The following PTPRE variants were observed in gnomAD, a reference collection of about 807,000 sequenced individuals.
PTPRE encodes receptor-type tyrosine-protein phosphatase epsilon.
PTPRE carries 51 observed loss-of-function variants against 102.0 expected under a neutral mutation model. The ratio of observed to expected loss-of-function variants is 0.50; its 90% CI spans 0.40 to 0.63. PTPRE has a LOEUF of 0.63. Ranked by LOEUF, PTPRE falls within the 30% of genes least tolerant of loss-of-function variation. The pLI, the probability that PTPRE is intolerant of heterozygous loss-of-function variation, is 0.00. For synonymous variants in PTPRE, 345 were observed against 348.2 expected, an observed-to-expected ratio of 0.99 and a Z score of 0.10; for missense variants, 752 against 915.1, an observed-to-expected ratio of 0.82 and a Z score of 2.30.
intron 1 of PTPRE, among the ~76,000 whole-genome samples, chr10:127,949,287 G>A (rs1424274343): frequency 1.3e-5 from 2 of 152,098 alleles, no homozygotes; most frequent in Non-Finnish European, 1.5e-5. Flanking sequence ...TGTCTATCTA[G>A]CTATGCATAT....
intron 3 of PTPRE, among the ~76,000 whole-genome samples, chr10:128,044,821 T>G (rs1445060801): frequency 2.0e-5 from 3 of 152,250 alleles, no homozygotes; most frequent in African/African-American, 7.2e-5. Flanking sequence ...GAGGACATAT[T>G]TTTGTTTTCT....
intron 12 of PTPRE, 147 bp from the exon 13 acceptor site, chr10:128,069,544 TG>T: frequency 1.9e-6 from 2 of 1,045,284 alleles, no homozygotes; most frequent in Non-Finnish European, 2.8e-6. Flanking sequence ...CAGCTCCCTC[TG>T]GTGGCTGCAC....
At chr10:128,059,411 G>T (rs1007172327) in intron 7 of PTPRE, among the ~76,000 whole-genome samples, 1 of 152,122 alleles carries the variant, frequency 6.6e-6, no homozygotes, top group Non-Finnish European at 1.5e-5. Flanking sequence ...CCACCAGCCC[G>T]TGGCCCACCT....
rs1418973902 is a variant in PTPRE at position 127,907,426 on chromosome 10, G to C, written c.-31+117G>C. On this transcript the variant is annotated intron_variant, in intron 1 of 20. Coordinates refer to ENST00000254667, the MANE Select transcript of PTPRE (RefSeq NM_006504.6). The surrounding 1 kb of genome is among the most constrained non-coding windows in gnomAD (Gnocchi z 4.8). ...TGCCGCGGGAGGGAGGGGCCGCTCC[G>C]GGGCTCAGAGTCCGGACCCCGGCCC... is the stretch of plus-strand genomic sequence containing the variant. 7.6e-6 allele frequency: 6 copies of C among 787,452 alleles called. No homozygotes were observed. The highest frequency in any genetic ancestry group is 3.8e-5 in the African/African-American group (2 of 52,936). The allele number at this position is 787,452 out of a possible 1,614,324, so 48.8% of individuals were successfully genotyped here. A position where few individuals can be genotyped will look rare whatever the true frequency, so the allele number is the denominator to read the frequency against.
chr10:128,009,558 C>A (rs762280041), intron 2 of PTPRE, among the ~76,000 whole-genome samples: 6 of 152,154 alleles, frequency 3.9e-5, no homozygotes, highest in Non-Finnish European at 5.9e-5. Context: ...CGAGGTGCAG[C>A]GAGGTCACTA....
At chr10:128,009,912 G>A (rs775594956) in intron 2 of PTPRE, among the ~76,000 whole-genome samples, 4 of 152,168 alleles carry the variant, frequency 2.6e-5, no homozygotes, top group Non-Finnish European at 5.9e-5. Context: ...ATGAGTCACC[G>A]TCCAAGCCCT....
chr10:128,029,890 C>T lies in PTPRE; in HGVS notation c.-7-10985C>T, dbSNP rs541184602. ...GCATCAATGCCTCAGCAGTCAGATC[C>T]GCCCAGGCTGCTTCTGAAAGAGTTT... On this transcript the variant is annotated intron_variant, in intron 2 of 20. Transcript: ENST00000254667. Among the ~76,000 whole-genome samples the T allele has an allele frequency of 7.2e-5, 11 of 152,336 alleles. No homozygotes were observed. The East Asian group carries it at 1.4e-3, about 19-fold the overall frequency.
intron 1 of PTPRE, among the ~76,000 whole-genome samples, chr10:127,908,809 C>T (rs1183881155): frequency 3.3e-5 from 5 of 152,158 alleles, no homozygotes; most frequent in African/African-American, 9.7e-5. Context: ...GAGTCACCAC[C>T]GCCCCCTCCC....
intron 1 of PTPRE, among the ~76,000 whole-genome samples, chr10:127,955,057 A>G (rs1849297983): frequency 6.6e-6 from 1 of 151,944 alleles, no homozygotes; most frequent in African/African-American, 2.4e-5. Flanking sequence ...TACCAATGGG[A>G]AATTGGACTA....
chr10:128,001,013 G>C (rs1030495971), intron 2 of PTPRE, among the ~76,000 whole-genome samples: 1 of 152,212 alleles, frequency 6.6e-6, no homozygotes, highest in Admixed American at 6.5e-5. Context: ...ATCATGAGTG[G>C]CTACAGTTCA....
chr10:128,070,369 G>A lies in PTPRE; in HGVS notation c.1212G>A (p.Val404=), dbSNP rs2230603. 1 of 1,614,174 alleles carries A rather than the reference G, an allele frequency of 6.2e-7. No homozygotes were observed. Among genetic ancestry groups the A allele is most frequent in the Non-Finnish European group, 8.5e-7 (1 of 1,180,030 alleles). ...TCTACGGGGACACAGAGCTGGACGT[G>A]TCCTCCCTGGAGAAGCACCTGCAGA... ...YYLYGDTELD[V]SSLEKHLQTM... Residue 404 remains valine, a synonymous_variant, in exon 14 of 21, where the codon GTG becomes GTA. Coordinates refer to ENST00000254667, the MANE Select transcript of PTPRE (RefSeq NM_006504.6). This position sits in a 1 kb window ranked among gnomAD's most constrained non-coding sequence, Gnocchi z 4.8.
chr10:128,047,263 T>C, intron 3 of PTPRE, 127 bp from the exon 4 acceptor site: 5 of 1,352,458 alleles, frequency 3.7e-6, no homozygotes, highest in Non-Finnish European at 4.9e-6. Context: ...CTTTTCAGGA[T>C]GATGGATCCA....
In PTPRE at chr10:128,026,459, C is replaced by T. The variant is rs145730113; in HGVS notation, c.-7-14416C>T. The stretch of plus-strand genomic sequence containing the variant: ...AGAACAACGCCCACTTCCAGTGGGT[C>T]AGCTCGGGCTTGTCCGGAGCATGGC... On this transcript the variant is annotated intron_variant, in intron 2 of 20. Transcript: ENST00000254667. 1.1e-3 allele frequency among the ~76,000 whole-genome samples: 164 copies of T among 152,364 alleles called. 1 individual carries two copies. In the Middle Eastern group the frequency reaches 0.034, roughly 32 times the overall value.
At chr10:127,967,235 A>G (rs1045744884) in intron 1 of PTPRE, among the ~76,000 whole-genome samples, 1 of 152,236 alleles carries the variant, frequency 6.6e-6, no homozygotes, top group African/African-American at 2.4e-5. Flanking sequence ...GTAAAAAGCA[A>G]TACCCACTCT....
chr10:127,974,904 C>A (rs1479790369), intron 1 of PTPRE, among the ~76,000 whole-genome samples: 1 of 151,662 alleles, frequency 6.6e-6, no homozygotes, highest in African/African-American at 2.4e-5. Context: ...CCTCATAGGG[C>A]AGCTGAAATG....
intron 7 of PTPRE, among the ~76,000 whole-genome samples, 165 bp from the exon 8 acceptor site, chr10:128,060,774 G>T (rs995662431): frequency 2.6e-5 from 4 of 152,170 alleles, no homozygotes; most frequent in Admixed American, 6.5e-5. Flanking sequence ...CCATGGGAAC[G>T]CTGAGGAAGA....
In PTPRE at chr10:127,931,027, G is replaced by A. The variant is rs1007377622; in HGVS notation, c.-31+23718G>A. 2.6e-5 allele frequency among the ~76,000 whole-genome samples: 4 copies of A among 152,090 alleles called. No individual in the cohort carries two copies. In the East Asian group the frequency reaches 7.8e-4, roughly 29 times the overall value. On this transcript the variant is annotated intron_variant, in intron 1 of 20. Coordinates refer to ENST00000254667, the MANE Select transcript of PTPRE (RefSeq NM_006504.6). ...AGGATGGTCTCAATCTCCTGACCTC[G>A]TGATCCACCCGCCTCGGCCTTCCAA... is the stretch of plus-strand genomic sequence containing the variant.
intron 2 of PTPRE, among the ~76,000 whole-genome samples, chr10:128,039,383 A>G (rs1847480155): frequency 6.6e-6 from 1 of 152,158 alleles, no homozygotes; most frequent in South Asian, 2.1e-4. Context: ...TGTGCGGATA[A>G]TACAGATATA....
At chr10:127,946,713 C>T (rs1848645634) in intron 1 of PTPRE, among the ~76,000 whole-genome samples, 1 of 152,104 alleles carries the variant, frequency 6.6e-6, no homozygotes, top group South Asian at 2.1e-4. Context: ...AAAGTGGGTA[C>T]AGAAAAGGGG....
Sources: allele counts gnomAD v4.1 joint callset (sites outside exome capture counted in the v4.1 genomes callset), GRCh38; gene constraint gnomAD v4.1.1; non-coding constraint Gnocchi (gnomAD v3.1); transcripts MANE v1.5; gene names NCBI Gene and HGNC (gene_info 2026-07-23, HGNC 2026-07-21).